ENTREP2: variants seen among roughly 807,000 people sequenced by gnomAD.
ENTREP2 encodes the protein endosomal transmembrane epsin interactor 2, also known as protein ENTREP2.
the ENTREP2 span, among the ~76,000 whole-genome samples, chr15:29,674,198 C>A: frequency 6.0e-5 from 9 of 148,874 alleles, no homozygotes; most frequent in South Asian, 1.8e-3. Context: ...TGTATCAACT[C>A]CTCGCTACCC....
chr15:29,595,416 T>G, the ENTREP2 span, among the ~76,000 whole-genome samples: 4 of 152,190 alleles, frequency 2.6e-5, no homozygotes, highest in African/African-American at 9.7e-5. Context: ...TCACAATCAA[T>G]GAAACAATAC....
chr15:29,445,170 G>A, the ENTREP2 span, among the ~76,000 whole-genome samples: 1 of 152,158 alleles, frequency 6.6e-6, no homozygotes, highest in Non-Finnish European at 1.5e-5. Context: ...TGACGGTGGA[G>A]CCCTCATGAA....
the ENTREP2 span, among the ~76,000 whole-genome samples, chr15:29,629,383 ACCT>A: frequency 6.6e-6 from 1 of 151,732 alleles, no homozygotes; most frequent in Non-Finnish European, 1.5e-5. Flanking sequence ...TCCTTTGTGT[ACCT>A]CTTCTTGATT....
At chr15:29,283,647 A>C in the ENTREP2 span, among the ~76,000 whole-genome samples, 1 of 152,204 alleles carries the variant, frequency 6.6e-6, no homozygotes, top group South Asian at 2.1e-4. Flanking sequence ...GCCCCCTAAG[A>C]GGGACAGTGG....
At chr15:29,468,845 T>C in the ENTREP2 span, among the ~76,000 whole-genome samples, 19 of 152,298 alleles carry the variant, frequency 1.2e-4, no homozygotes, top group African/African-American at 3.8e-4. Context: ...AATTTTCTTA[T>C]GTAACCCCAG....
At chr15:29,246,026 C>A in the ENTREP2 span, among the ~76,000 whole-genome samples, 6 of 152,186 alleles carry the variant, frequency 3.9e-5, no homozygotes, top group Non-Finnish European at 8.8e-5. Flanking sequence ...TGCTACACCC[C>A]CAGCACCTAG....
At chr15:29,224,784 T>C in the ENTREP2 span, among the ~76,000 whole-genome samples, 50,405 of 152,110 alleles carry the variant, frequency 0.33, 9,886 homozygotes, top group East Asian at 0.61. Context: ...AGTCCCCTGC[T>C]GGGCACCCAC....
the ENTREP2 span, among the ~76,000 whole-genome samples, chr15:29,233,007 A>T: frequency 6.6e-6 from 1 of 152,188 alleles, no homozygotes; most frequent in Admixed American, 6.5e-5. Flanking sequence ...ACCTTTTCAG[A>T]TGTCCCTTCA....
chr15:29,549,348 C>A, the ENTREP2 span, among the ~76,000 whole-genome samples: 1 of 151,894 alleles, frequency 6.6e-6, no homozygotes, highest in East Asian at 1.9e-4. Context: ...CCACTCACTG[C>A]AAGCTCTGCC....
At chr15:29,335,588 G>A in the ENTREP2 span, among the ~76,000 whole-genome samples, 1 of 152,154 alleles carries the variant, frequency 6.6e-6, no homozygotes, top group Non-Finnish European at 1.5e-5. Flanking sequence ...ATTTCAAGAG[G>A]TACCAGATAT....
At chr15:29,594,222 T>C in the ENTREP2 span, among the ~76,000 whole-genome samples, 2 of 152,212 alleles carry the variant, frequency 1.3e-5, no homozygotes, top group African/African-American at 4.8e-5. Context: ...GGAGGATAAG[T>C]TGTGGTTCTC....
chr15:29,570,988 C>G, the ENTREP2 span, among the ~76,000 whole-genome samples: 1 of 145,484 alleles, frequency 6.9e-6, no homozygotes, highest in Non-Finnish European at 1.5e-5. Context: ...CTCCCCCGCC[C>G]GCCCCGCGCG....
the ENTREP2 span, among the ~76,000 whole-genome samples, chr15:29,318,172 C>T: frequency 7.2e-5 from 11 of 152,310 alleles, no homozygotes; most frequent in African/African-American, 2.2e-4. Flanking sequence ...ACAGATACTG[C>T]GTTGTTGATA....
At chr15:29,473,767 T>C in the ENTREP2 span, among the ~76,000 whole-genome samples, 1 of 152,242 alleles carries the variant, frequency 6.6e-6, no homozygotes, top group Non-Finnish European at 1.5e-5. Context: ...AGAAACCGCC[T>C]GAGGCTGCTG....
chr15:29,464,495 A>G, the ENTREP2 span, among the ~76,000 whole-genome samples: 1 of 152,208 alleles, frequency 6.6e-6, no homozygotes, highest in African/African-American at 2.4e-5. Context: ...ACACACCAAT[A>G]AGCCTGATGT....
At chr15:29,260,523 A>G in the ENTREP2 span, among the ~76,000 whole-genome samples, 2 of 152,072 alleles carry the variant, frequency 1.3e-5, no homozygotes, top group African/African-American at 2.4e-5. Context: ...ATTGAAGAAG[A>G]AAAAAAAGCA....
chr15:29,666,999 C>T, the ENTREP2 span, among the ~76,000 whole-genome samples: 2 of 152,108 alleles, frequency 1.3e-5, no homozygotes, highest in Non-Finnish European at 2.9e-5. Flanking sequence ...TCCATTGTCA[C>T]CTAGCACTCC....
At chr15:29,491,280 G>C in the ENTREP2 span, among the ~76,000 whole-genome samples, 2 of 152,204 alleles carry the variant, frequency 1.3e-5, no homozygotes, top group Non-Finnish European at 2.9e-5. Flanking sequence ...GTAAGCAGAG[G>C]GAGCTGGCTC....
At chr15:29,596,422 C>T in the ENTREP2 span, among the ~76,000 whole-genome samples, 1 of 114,120 alleles carries the variant, frequency 8.8e-6, no homozygotes, top group Non-Finnish European at 2.1e-5. Context: ...TCTTTAATCC[C>T]AGTATACGTG....
Sources: allele counts gnomAD v4.1 joint callset (sites outside exome capture counted in the v4.1 genomes callset), GRCh38; gene constraint gnomAD v4.1.1; transcripts MANE v1.5; gene names NCBI Gene and HGNC (gene_info 2026-07-23, HGNC 2026-07-21).